The following LARGE1 variants were observed in gnomAD, a reference collection of about 807,000 sequenced individuals.
LARGE1 encodes LARGE xylosyl- and glucuronyltransferase 1, also known as xylosyl- and glucuronyltransferase LARGE1.
In LARGE1, 43 loss-of-function variants were observed where a neutral mutation model predicts 87.6. The ratio of observed to expected loss-of-function variants is 0.49; its 90% CI spans 0.38 to 0.63. The LOEUF (loss-of-function observed/expected upper bound fraction) is 0.63, where lower values mean the gene tolerates loss of function less well. Ranked by LOEUF, LARGE1 falls within the 30% of genes least tolerant of loss-of-function variation. LARGE1 has a pLI of 0.00. For synonymous variants in LARGE1, 434 were observed against 394.6 expected (o/e 1.10, Z -1.18); for missense variants, 802 against 1,000.2 (o/e 0.80, Z 2.67).
At chr22:33,686,850 A>G (rs2081960185) in intron 2 of LARGE1, among the ~76,000 whole-genome samples, 1 of 152,188 alleles carries the variant, frequency 6.6e-6, no homozygotes, top group African/African-American at 2.4e-5. Flanking sequence ...AAACTAAACA[A>G]TTATCCATCG....
At chr22:33,357,138 G>A (rs566129881) in intron 9 of LARGE1, among the ~76,000 whole-genome samples, 3 of 152,038 alleles carry the variant, frequency 2.0e-5, no homozygotes, top group South Asian at 4.2e-4. Context: ...ATGGCTTAAC[G>A]TAGAAAGAAA....
At chr22:33,572,541 G>A (rs1161631337) in intron 5 of LARGE1, among the ~76,000 whole-genome samples, 1 of 152,206 alleles carries the variant, frequency 6.6e-6, no homozygotes, top group East Asian at 1.9e-4. Flanking sequence ...ATTAAATGAG[G>A]TAGGAGAGTC....
chr22:33,384,436 C>A, intron 7 of LARGE1, 132 bp from the exon 8 acceptor site: 1 of 720,804 alleles, frequency 1.4e-6, no homozygotes. Context: ...CTATGCACTG[C>A]TGCAGATGAG....
chr22:33,177,492 C>T (rs1380277848), intron 11 of LARGE1, among the ~76,000 whole-genome samples: 1 of 151,760 alleles, frequency 6.6e-6, no homozygotes, highest in African/African-American at 2.4e-5. Context: ...TATCTCCTGC[C>T]TCAAGTAACA....
At chr22:33,764,828 AG>A (rs1190936354) in intron 1 of LARGE1, among the ~76,000 whole-genome samples, 3 of 152,248 alleles carry the variant, frequency 2.0e-5, no homozygotes, top group Non-Finnish European at 4.4e-5. Context: ...CTACATAAAT[AG>A]TTATACCGTA....
chr22:33,740,800 T>C lies in LARGE1; in HGVS notation c.106+20571A>G, dbSNP rs529795634. Among the ~76,000 whole-genome samples the C allele has an allele frequency of 2.6e-5, 4 of 152,300 alleles. No homozygotes were observed. In the South Asian group the frequency reaches 8.3e-4, roughly 32 times the overall value. On this transcript the variant is annotated intron_variant, in intron 2 of 14. Transcript: ENST00000397394. ...TCATTCTCAAAGGTGCGCCATTAAA[T>C]AAAAGCAAAAACAGTTCATGCCCTC... is the stretch of plus-strand genomic sequence containing the variant.
chr22:33,088,976 C>G, the LARGE1 span, among the ~76,000 whole-genome samples: 1 of 152,306 alleles, frequency 6.6e-6, no homozygotes, highest in Non-Finnish European at 1.5e-5. Flanking sequence ...TTGTTATCAT[C>G]CATGCTGAGT....
chr22:33,509,383 CCAAGCACACATTCCATTG>C (rs2070936522), intron 6 of LARGE1, among the ~76,000 whole-genome samples: 1 of 152,136 alleles, frequency 6.6e-6, no homozygotes, highest in South Asian at 2.1e-4. Flanking sequence ...CTTGGAGGTC[CCAAGCACACATTCCATTG>C]CAAGGATGAA....
chr22:33,342,182 G>T (rs527670746), intron 9 of LARGE1, among the ~76,000 whole-genome samples: 1 of 152,172 alleles, frequency 6.6e-6, no homozygotes. Flanking sequence ...ACACCCAGTG[G>T]GGGGATCGTG....
At chr22:33,808,319 T>TA (rs747723551) in intron 1 of LARGE1, among the ~76,000 whole-genome samples, 1 of 152,240 alleles carries the variant, frequency 6.6e-6, no homozygotes, top group Non-Finnish European at 1.5e-5. Flanking sequence ...AGGTATCTGT[T>TA]AAAGTCTTTG....
At chr22:33,475,589 G>A (rs1334917663) in intron 6 of LARGE1, among the ~76,000 whole-genome samples, 1 of 151,826 alleles carries the variant, frequency 6.6e-6, no homozygotes, top group Non-Finnish European at 1.5e-5. Flanking sequence ...AGCCTCCCAA[G>A]TAGCTGGGAT....
chr22:33,675,999 G>T (rs1434881176), intron 2 of LARGE1, among the ~76,000 whole-genome samples: 1 of 111,634 alleles, frequency 9.0e-6, no homozygotes, highest in Admixed American at 9.9e-5. Context: ...AAGCCTGGAG[G>T]TTTTCTTTTT....
intron 7 of LARGE1, among the ~76,000 whole-genome samples, chr22:33,391,502 G>C (rs962061220): frequency 2.0e-5 from 3 of 152,088 alleles, no homozygotes; most frequent in Admixed American, 6.6e-5. Flanking sequence ...ATATAAGTGA[G>C]AGACAGGAAG....
chr22:33,610,991 G>GGAGAGTGC (rs1225759391), intron 4 of LARGE1, among the ~76,000 whole-genome samples: 82 of 152,336 alleles, frequency 5.4e-4, no homozygotes, highest in African/African-American at 1.8e-3. Flanking sequence ...CTGTCAGGAC[G>GGAGAGTGC]GAGAGTGCAA....
At chr22:33,892,847 T>C (rs1307466952) in intron 1 of LARGE1, among the ~76,000 whole-genome samples, 1 of 152,228 alleles carries the variant, frequency 6.6e-6, no homozygotes, top group Admixed American at 6.5e-5. Context: ...TCTCTGATTG[T>C]GAAATAAATC....
intron 3 of LARGE1, among the ~76,000 whole-genome samples, chr22:33,629,542 G>A (rs565090449): frequency 5.9e-5 from 9 of 152,262 alleles, no homozygotes; most frequent in South Asian, 4.1e-4. Context: ...CAGTGGCATC[G>A]ACTATGTTCT....
chr22:33,323,921 G>A (rs1459553688), intron 10 of LARGE1, among the ~76,000 whole-genome samples: 1 of 152,132 alleles, frequency 6.6e-6, no homozygotes, highest in Non-Finnish European at 1.5e-5. Context: ...TCAATGGGGA[G>A]ACTCTAGCAG....
intron 11 of LARGE1, among the ~76,000 whole-genome samples, chr22:33,204,305 T>C (rs1195520868): frequency 6.6e-6 from 1 of 152,178 alleles, no homozygotes; most frequent in Non-Finnish European, 1.5e-5. Flanking sequence ...AGAATTAATA[T>C]AATAATGGTT....
chr22:33,428,754 C>G (rs1183357535), intron 7 of LARGE1, among the ~76,000 whole-genome samples: 1 of 98,268 alleles, frequency 1.0e-5, no homozygotes, highest in East Asian at 2.6e-4. Context: ...AACCCCGTCA[C>G]TACTAAAAAA....
Sources: allele counts gnomAD v4.1 joint callset (sites outside exome capture counted in the v4.1 genomes callset), GRCh38; gene constraint gnomAD v4.1.1; transcripts MANE v1.5; gene names NCBI Gene and HGNC (gene_info 2026-07-23, HGNC 2026-07-21).